Variants in GADL1 observed in about 807,000 individuals in gnomAD.
GADL1 encodes acidic amino acid decarboxylase GADL1.
A neutral mutation model predicts 69.5 loss-of-function variants in GADL1; 71 were observed. The ratio of observed to expected loss-of-function variants is 1.02; its 90% confidence interval spans 0.84 to 1.25. GADL1 has a LOEUF of 1.25. Ranked by LOEUF, GADL1 falls within the 50% of genes most tolerant of loss-of-function variation. The pLI is 0.00. For synonymous variants in GADL1, 254 were observed against 214.4 expected (o/e 1.18, Z -1.62); for missense variants, 737 against 631.8 (o/e 1.17, Z -1.79).
intron 12 of GADL1, among the ~76,000 whole-genome samples, chr3:30,793,877 C>T (rs1474200419): frequency 6.6e-6 from 1 of 152,182 alleles, no homozygotes; most frequent in Non-Finnish European, 1.5e-5. Context: ...GAAATCTCTT[C>T]TGATGCATTG....
intron 12 of GADL1, among the ~76,000 whole-genome samples, chr3:30,792,232 T>C (rs960714306): frequency 6.6e-6 from 1 of 152,216 alleles, no homozygotes; most frequent in Non-Finnish European, 1.5e-5. Context: ...TCAAATAAGT[T>C]TGAACACTGC....
intron 2 of GADL1, among the ~76,000 whole-genome samples, chr3:30,860,036 G>T (rs1272059446): frequency 6.6e-6 from 1 of 151,766 alleles, no homozygotes; most frequent in Admixed American, 6.6e-5. Context: ...CTTTTGCAAT[G>T]CTCTTTCCAT....
At chr3:30,778,005 T>C (rs966291365) in intron 14 of GADL1, among the ~76,000 whole-genome samples, 174 bp downstream of exon 14, 1 of 152,210 alleles carries the variant, frequency 6.6e-6, no homozygotes, top group Admixed American at 6.5e-5. Flanking sequence ...TGTTAATTTG[T>C]TAAATGTAAA....
chr3:30,832,469 C>G (rs893365547), intron 11 of GADL1, among the ~76,000 whole-genome samples: 4 of 151,850 alleles, frequency 2.6e-5, no homozygotes, highest in Non-Finnish European at 5.9e-5. Flanking sequence ...TATATGAAAG[C>G]TAGAAAGTTA....
At chr3:30,869,778 GCT>G (rs1361832260) in intron 1 of GADL1, among the ~76,000 whole-genome samples, 8 of 151,772 alleles carry the variant, frequency 5.3e-5, no homozygotes, top group African/African-American at 1.9e-4. Context: ...ATATTGAATT[GCT>G]ACTATGTTCA....
intron 1 of GADL1, among the ~76,000 whole-genome samples, chr3:30,866,318 G>A (rs1231352243): frequency 6.6e-6 from 1 of 151,930 alleles, no homozygotes; most frequent in Non-Finnish European, 1.5e-5. Context: ...AATTAGCCAG[G>A]CATAGTGGCA....
intron 11 of GADL1, among the ~76,000 whole-genome samples, chr3:30,829,080 A>C (rs375484307): frequency 2.0e-5 from 3 of 151,952 alleles, no homozygotes; most frequent in Admixed American, 6.6e-5. Context: ...GATTCTTAGA[A>C]TATATTGCCT....
At position 30,839,087 on chromosome 3, in the gene GADL1, G is replaced by A. The variant is rs775179930; in HGVS notation, c.813C>T (p.Ala271=). The change falls in exon 9 of 15, where the codon GCC becomes GCT. Residue 271 remains alanine (A), a synonymous_variant. Coordinates refer to ENST00000282538, the MANE Select transcript of GADL1 (RefSeq NM_207359.3). ...CTCCCAACACAGTTGTACCAGAAGT[G>A]GCACAGACAAGAAACGGTGCTGCCC... ...KEGAAPFLVC[A]TSGTTVLGAF... 3.0e-5 allele frequency: 48 copies of A among 1,601,364 alleles called. No individual in the cohort carries two copies. In the South Asian group the frequency reaches 5.2e-4, roughly 17 times the overall value.
intron 14 of GADL1, among the ~76,000 whole-genome samples, chr3:30,739,541 C>A (rs1469776353): frequency 2.0e-5 from 3 of 152,188 alleles, no homozygotes; most frequent in African/African-American, 7.2e-5. Flanking sequence ...TTGCACACCA[C>A]AGGATGTGTT....
At chr3:30,807,258 GGCAA>G (rs1394985805) in intron 11 of GADL1, among the ~76,000 whole-genome samples, 1 of 152,122 alleles carries the variant, frequency 6.6e-6, no homozygotes, top group Non-Finnish European at 1.5e-5. Flanking sequence ...TATTTCCCCA[GGCAA>G]GCTACAGAAC....
intron 9 of GADL1, among the ~76,000 whole-genome samples, chr3:30,836,686 A>G (rs1697880227): frequency 6.6e-6 from 1 of 152,090 alleles, no homozygotes; most frequent in African/African-American, 2.4e-5. Context: ...TCTAAAGGCC[A>G]TGATTTTAAA....
intron 12 of GADL1, among the ~76,000 whole-genome samples, chr3:30,788,125 G>GT (rs1696836099): frequency 6.6e-6 from 1 of 152,150 alleles, no homozygotes; most frequent in South Asian, 2.1e-4. Context: ...TAGCTATAAA[G>GT]TTTTTAAACC....
chr3:30,806,091 C>T (rs1214195192), intron 11 of GADL1, among the ~76,000 whole-genome samples: 1 of 151,974 alleles, frequency 6.6e-6, no homozygotes, highest in Non-Finnish European at 1.5e-5. Context: ...CTGTCCACAA[C>T]AACAAACCTT....
At chr3:30,788,916 C>T (rs1696855029) in intron 12 of GADL1, among the ~76,000 whole-genome samples, 1 of 152,192 alleles carries the variant, frequency 6.6e-6, no homozygotes. Flanking sequence ...GTTTTCACCA[C>T]ATCTTCAGTG....
At chr3:30,862,186 G>C (rs973077407) in intron 1 of GADL1, among the ~76,000 whole-genome samples, 1 of 151,944 alleles carries the variant, frequency 6.6e-6, no homozygotes, top group African/African-American at 2.4e-5. Context: ...CCCTAGGAGA[G>C]AGTAAATATT....
intron 1 of GADL1, among the ~76,000 whole-genome samples, chr3:30,881,087 A>G (rs1379965164): frequency 6.6e-6 from 1 of 151,930 alleles, no homozygotes; most frequent in Non-Finnish European, 1.5e-5. Flanking sequence ...GAAAGCTGTA[A>G]TATTCCTTTC....
chr3:30,835,930 C>T (rs1423582531), intron 9 of GADL1, among the ~76,000 whole-genome samples: 2 of 152,084 alleles, frequency 1.3e-5, no homozygotes, highest in South Asian at 4.1e-4. Context: ...GGCAAATGCC[C>T]TCAGCATCTA....
At chr3:30,759,740 C>T (rs7648846) in intron 14 of GADL1, among the ~76,000 whole-genome samples, 52,731 of 152,122 alleles carry the variant, frequency 0.35, 9,417 homozygotes, top group South Asian at 0.43. Flanking sequence ...GTAACATTTC[C>T]CTGCTCGACT....
chr3:30,775,303 C>G (rs989338783), intron 14 of GADL1, among the ~76,000 whole-genome samples: 1 of 152,226 alleles, frequency 6.6e-6, no homozygotes, highest in African/African-American at 2.4e-5. Flanking sequence ...TGACGTTAGT[C>G]TGAATCAGAG....
Sources: gnomAD v4.1 joint callset for allele counts (sites outside exome capture counted in the v4.1 genomes callset) on GRCh38, gnomAD v4.1.1 for gene constraint, MANE v1.5 for transcripts, NCBI Gene and HGNC (gene_info 2026-07-23, HGNC 2026-07-21) for gene names.